AGBL4: variants seen among roughly 807,000 people sequenced by gnomAD.
The protein encoded by AGBL4 is cytosolic carboxypeptidase 6.
Under a neutral mutation model 66.4 loss-of-function variants are expected in AGBL4, and 58 were observed. The ratio of observed to expected loss-of-function variants is 0.87; its 90% confidence interval spans 0.71 to 1.09. The LOEUF is 1.09. AGBL4 is among the 50% of genes least tolerant of loss of function. The probability of loss-of-function intolerance (pLI) is 0.00; values close to 1 mark genes in which losing one functional copy is unlikely to be tolerated. For missense variants in AGBL4, 579 were observed against 631.0 expected, an observed-to-expected ratio of 0.92 and a Z score of 0.88; for synonymous variants, 234 against 222.9, an observed-to-expected ratio of 1.05 and a Z score of -0.44.
At chr1:48,925,127 C>T (rs1654421201) in intron 5 of AGBL4, among the ~76,000 whole-genome samples, 1 of 147,866 alleles carries the variant, frequency 6.8e-6, no homozygotes, top group Admixed American at 6.9e-5. Flanking sequence ...AGCTGAGGAC[C>T]ATCTGTATAT....
At chr1:49,989,041 A>G (rs1384548205) in intron 1 of AGBL4, among the ~76,000 whole-genome samples, 1 of 152,204 alleles carries the variant, frequency 6.6e-6, no homozygotes, top group African/African-American at 2.4e-5. Flanking sequence ...CTGTCATAAG[A>G]GAAGAATGAG....
At chr1:48,666,287 G>A (rs1249018691) in intron 6 of AGBL4, among the ~76,000 whole-genome samples, 1 of 152,088 alleles carries the variant, frequency 6.6e-6, no homozygotes, top group Non-Finnish European at 1.5e-5. Flanking sequence ...CATATTCTTG[G>A]TGGAGGCAGG....
chr1:48,712,364 C>T (rs1356485934), intron 6 of AGBL4, among the ~76,000 whole-genome samples: 1 of 152,186 alleles, frequency 6.6e-6, no homozygotes, highest in Admixed American at 6.5e-5. Flanking sequence ...CCTGCTTGCC[C>T]CACTCTTTGC....
At chr1:48,902,393 T>C (rs1049189004) in intron 5 of AGBL4, among the ~76,000 whole-genome samples, 1 of 152,096 alleles carries the variant, frequency 6.6e-6, no homozygotes, top group African/African-American at 2.4e-5. Context: ...GTTAGAAGAC[T>C]ATAATAAAAG....
At chr1:48,670,674 C>T (rs1646262612) in intron 6 of AGBL4, among the ~76,000 whole-genome samples, 1 of 152,202 alleles carries the variant, frequency 6.6e-6, no homozygotes, top group Non-Finnish European at 1.5e-5. Flanking sequence ...AGGCAGCCTT[C>T]CAGGGCAGGC....
intron 4 of AGBL4, among the ~76,000 whole-genome samples, chr1:49,107,690 T>TGAGA (rs1396823757): frequency 0.013 from 1,342 of 106,658 alleles, 15 homozygotes; most frequent in East Asian, 0.06. Context: ...TGTGTGTGTG[T>TGAGA]GTGTGAGAGA....
At chr1:49,406,926 G>T (rs763459230) in intron 3 of AGBL4, among the ~76,000 whole-genome samples, 2 of 151,746 alleles carry the variant, frequency 1.3e-5, no homozygotes, top group Non-Finnish European at 2.9e-5. Context: ...TTAGCCAGGC[G>T]TGGTGGCGGG....
At chr1:48,948,686 G>A (rs1311719227) in intron 5 of AGBL4, among the ~76,000 whole-genome samples, 4 of 152,190 alleles carry the variant, frequency 2.6e-5, no homozygotes, top group Non-Finnish European at 4.4e-5. Context: ...AGGCAATGAT[G>A]CCTTTTCTGA....
Position 49,779,525 on chromosome 1 carries a change from A to C in AGBL4, c.157+71871T>G, listed in dbSNP as rs576356300. Reference sequence around the variant, plus strand: ...GGCTGGGAGAGGAAGAGGGGAAAGAAATGGAAAAGCACTGAGTAAGAGTGG... The same window carrying C: ...GGCTGGGAGAGGAAGAGGGGAAAGACATGGAAAAGCACTGAGTAAGAGTGG... On this transcript the variant is annotated intron_variant, in intron 2 of 13. Transcript: ENST00000371839. 3.3e-5 allele frequency among the ~76,000 whole-genome samples: 5 copies of C among 152,220 alleles called. No homozygotes were observed. The East Asian group carries it at 7.7e-4, about 24-fold the overall frequency.
intron 4 of AGBL4, among the ~76,000 whole-genome samples, chr1:49,058,584 T>C (rs1187131176): frequency 6.6e-6 from 1 of 152,168 alleles, no homozygotes; most frequent in African/African-American, 2.4e-5. Context: ...GTATGGTAAA[T>C]TAGTATCATA....
intron 5 of AGBL4, among the ~76,000 whole-genome samples, chr1:48,881,851 C>G (rs1050461287): frequency 2.0e-5 from 3 of 152,188 alleles, no homozygotes. Flanking sequence ...AGGACCTACT[C>G]TACTTAGGAA....
At chr1:49,495,116 G>C (rs2148751773) in intron 3 of AGBL4, among the ~76,000 whole-genome samples, 1 of 152,148 alleles carries the variant, frequency 6.6e-6, no homozygotes, top group Middle Eastern at 3.4e-3. Flanking sequence ...GGAATATGGA[G>C]ATGGAGAGAA....
At chr1:48,995,901 G>C (rs1660959748) in intron 5 of AGBL4, among the ~76,000 whole-genome samples, 1 of 152,192 alleles carries the variant, frequency 6.6e-6, no homozygotes, top group Non-Finnish European at 1.5e-5. Flanking sequence ...TAATCTGGCT[G>C]TTGTGTGGAG....
At chr1:48,695,717 G>A (rs1285832191) in intron 6 of AGBL4, among the ~76,000 whole-genome samples, 4 of 152,290 alleles carry the variant, frequency 2.6e-5, no homozygotes, top group African/African-American at 7.2e-5. Flanking sequence ...GGACTCAGAG[G>A]AGGACAGCTA....
intron 2 of AGBL4, among the ~76,000 whole-genome samples, chr1:49,762,260 GTC>G (rs1652380449): frequency 6.6e-6 from 1 of 152,084 alleles, no homozygotes. Context: ...TTTGATGACA[GTC>G]TTTCTAACTG....
chr1:49,121,332 C>A (rs1050445292), intron 4 of AGBL4, among the ~76,000 whole-genome samples: 1 of 152,182 alleles, frequency 6.6e-6, no homozygotes, highest in African/African-American at 2.4e-5. Context: ...GGTTTCTCCC[C>A]ATATTTGTGG....
chr1:49,953,004 G>C (rs1351933759), intron 1 of AGBL4, among the ~76,000 whole-genome samples: 1 of 151,864 alleles, frequency 6.6e-6, no homozygotes, highest in East Asian at 1.9e-4. Flanking sequence ...GAGTAGTACA[G>C]AATTATGGCT....
At chr1:48,588,204 A>G (rs1395768363) in intron 10 of AGBL4, among the ~76,000 whole-genome samples, 1 of 152,188 alleles carries the variant, frequency 6.6e-6, no homozygotes. Flanking sequence ...CAACCAAAGA[A>G]TCTACTTCCT....
chr1:49,611,374 CTTT>C (rs35960918), intron 3 of AGBL4, among the ~76,000 whole-genome samples: 2 of 117,844 alleles, frequency 1.7e-5, no homozygotes, highest in African/African-American at 3.1e-5. Context: ...CAACCATATT[CTTT>C]TTTTTTTTTT....
Sources: allele counts gnomAD v4.1 joint callset (sites outside exome capture counted in the v4.1 genomes callset), GRCh38; gene constraint gnomAD v4.1.1; transcripts MANE v1.5; gene names NCBI Gene and HGNC (gene_info 2026-07-23, HGNC 2026-07-21).